The following ADAMTSL5 variants were observed in gnomAD, a reference collection of about 807,000 sequenced individuals.
ADAMTSL5 encodes ADAMTS-like protein 5.
Under a neutral mutation model 51.7 loss-of-function variants are expected in ADAMTSL5, and 53 were observed. The observed-to-expected ratio is 1.03, with a 90% CI of 0.82 to 1.29. ADAMTSL5 has a LOEUF of 1.29. Ranked by LOEUF, ADAMTSL5 falls within the 50% of genes most tolerant of loss-of-function variation. The probability of loss-of-function intolerance (pLI) is 0.00; values close to 1 mark genes in which losing one functional copy is unlikely to be tolerated. For missense variants in ADAMTSL5, 770 were observed against 676.2 expected (o/e 1.14, Z -1.54); for synonymous variants, 285 against 278.7 (o/e 1.02, Z -0.23).
rs535231144 is a variant in ADAMTSL5 at position 1,511,631 on chromosome 19, G to C, written c.-217-471C>G. On this transcript the variant is annotated intron_variant, in intron 1 of 11. Transcript: ENST00000330475. Reference sequence around the variant, plus strand: ...CCACCATCACTGCTTCTACCTTTCCGTGTGGCCTGAGGCCAGCCACTCCAC... The same window carrying C: ...CCACCATCACTGCTTCTACCTTTCCCTGTGGCCTGAGGCCAGCCACTCCAC... The C allele has an allele frequency of 3.2e-6, 4 of 1,238,930 alleles. No individual in the cohort carries two copies. The Admixed American group carries it at 7.1e-5, about 22-fold the overall frequency. The allele number at this position is 1,238,930 out of a possible 1,614,324, so 76.7% of individuals were successfully genotyped here.
rs982619087 is a variant in ADAMTSL5 at position 1,510,585 on chromosome 19, C to T, written c.191+54G>A. The stretch of plus-strand genomic sequence containing the variant: ...GCAGGCCGAGGGTGCGGCCAGGGGC[C>T]GGGCTGGGCCGGCGGGGGAGGAGGG... On this transcript the variant is annotated intron_variant, in intron 3 of 11. Transcript: ENST00000330475. 28 of 1,477,484 alleles carry T rather than the reference C, an allele frequency of 1.9e-5. No individual in the cohort carries two copies. In the East Asian group the frequency reaches 3.0e-4, roughly 16 times the overall value. 91.5% of individuals were successfully genotyped at this position (1,477,484 alleles called of 1,614,324 possible). A position where few individuals can be genotyped will look rare whatever the true frequency, so the allele number is the denominator to read the frequency against.
At position 1,510,440 on chromosome 19, in the gene ADAMTSL5, C is replaced by CAAA; in HGVS notation, c.192-13_192-12insTTT. ...CTTCCCCAGGAAGCCTGAAGGGAGA[C>CAAA]AGAGTGTGGCGAGAACCCCCAGGGA... On this transcript the variant is annotated splice_polypyrimidine_tract_variant and intron_variant, in intron 3 of 11. Coordinates refer to ENST00000330475, the MANE Select transcript of ADAMTSL5 (RefSeq NM_213604.3). The CAAA allele has an allele frequency of 6.2e-7, 1 of 1,605,748 alleles. No homozygotes were observed. Among genetic ancestry groups the CAAA allele is most frequent in the African/African-American group, 1.3e-5 (1 of 74,916 alleles).
rs947420946 is a variant in ADAMTSL5, at chr19:1,505,870, G to A, written c.*145C>T. ...GACTGCATGCAGAGGTGTCTTAAGC[G>A]TGTGTGGGAGGGAGTCACATAGCTG... On this transcript the variant is annotated 3_prime_UTR_variant, in exon 12 of 12. Coordinates refer to ENST00000330475, the MANE Select transcript of ADAMTSL5 (RefSeq NM_213604.3). The A allele has an allele frequency of 2.1e-5, 22 of 1,060,914 alleles. No individual in the cohort carries two copies. In the East Asian group the frequency reaches 2.2e-4, roughly 11 times the overall value. The allele number at this position is 1,060,914 out of a possible 1,614,324, so 65.7% of individuals were successfully genotyped here.
chr19:1,508,150 A>G (rs1913057995), intron 6 of ADAMTSL5, 41 bp from the exon 7 acceptor site: 1 of 1,558,316 alleles, frequency 6.4e-7, no homozygotes, highest in South Asian at 1.1e-5. Flanking sequence ...TGACGCTGGG[A>G]GGGGCAGGAC....
chr19:1,505,703 G>A lies in ADAMTSL5; in HGVS notation c.*312C>T, dbSNP rs978461356. 2.6e-5 allele frequency: 8 copies of A among 309,196 alleles called. No individual in the cohort carries two copies. Among genetic ancestry groups the A allele is most frequent in the South Asian group, 7.2e-5 (1 of 13,964 alleles). 19.2% of individuals were successfully genotyped at this position (309,196 alleles called of 1,614,324 possible). On this transcript the variant is annotated 3_prime_UTR_variant, in exon 12 of 12. Transcript: ENST00000330475. ...GTGTCTCCAAGCAAGTGTGACGCGC[G>A]CAAAGAGAAAGAAAGCAGCGTTAAA... is the stretch of plus-strand genomic sequence containing the variant.
rs753484239 is a variant in ADAMTSL5 at position 1,506,944 on chromosome 19, G to A, written c.853-16C>T. On this transcript the variant is annotated splice_polypyrimidine_tract_variant and intron_variant, in intron 9 of 11. Coordinates refer to ENST00000330475, the MANE Select transcript of ADAMTSL5 (RefSeq NM_213604.3). This position sits in a 1 kb window ranked among gnomAD's most constrained non-coding sequence, Gnocchi z 5.6. ...GCAGGAGGACCTGGAGCAGGGGAGG[G>A]GACACAGGGAGCTTCACAGGAGGCT... The A allele has an allele frequency of 3.9e-6, 6 of 1,538,400 alleles. No homozygotes were observed. The highest frequency in any genetic ancestry group is 5.2e-6 in the Non-Finnish European group (6 of 1,143,548).
chr19:1,507,461 G>A (rs1913004278), intron 8 of ADAMTSL5, 56 bp from the exon 9 acceptor site: 1 of 1,606,706 alleles, frequency 6.2e-7, no homozygotes, highest in Non-Finnish European at 8.5e-7. Context: ...CAGACCCTGG[G>A]GTCCCCTCCT....
rs767524603 is a variant in ADAMTSL5 at position 1,506,055 on chromosome 19, T to C, written c.1376A>G (p.Asp459Gly). ...CCGGGCAGTCAGGCGTATGCGGCTG[T>C]CCTCCGCAGGGCTCCAGGGCCGGGC... ...GYARPWSPAEDSRIRLTARRC... is the reference protein window; with the variant it reads ...GYARPWSPAEGSRIRLTARRC... Residue 459 changes from aspartate (D) to glycine (G), a missense_variant, in exon 12 of 12, where the codon GAC (aspartate) becomes GGC (glycine). Coordinates refer to ENST00000330475, the MANE Select transcript of ADAMTSL5 (RefSeq NM_213604.3). The surrounding 1 kb of genome is among the most constrained non-coding windows in gnomAD (Gnocchi z 5.6). The C allele has an allele frequency of 6.3e-7, 1 of 1,591,180 alleles. No homozygotes were observed. Among genetic ancestry groups the C allele is most frequent in the East Asian group, 2.3e-5 (1 of 44,354 alleles).
rs1310657455 is a variant in ADAMTSL5 at position 1,506,662 on chromosome 19, C to T, written c.1043-1G>A. On this transcript the variant is annotated splice_acceptor_variant, in intron 10 of 11. Coordinates refer to ENST00000330475, the MANE Select transcript of ADAMTSL5 (RefSeq NM_213604.3). LOFTEE classifies it high-confidence loss of function. This position sits in a 1 kb window ranked among gnomAD's most constrained non-coding sequence, Gnocchi z 5.6. ...GTGTCAGGGCAGGGTGGGCAGGGGTCTGTGGGATGGGCGGTGCTGTGAGGG... is the reference window on the plus strand; with the variant it reads ...GTGTCAGGGCAGGGTGGGCAGGGGTTTGTGGGATGGGCGGTGCTGTGAGGG... 6.2e-7 allele frequency: 1 copy of T among 1,604,418 alleles called. No individual in the cohort carries two copies. The highest frequency in any genetic ancestry group is 1.7e-5 in the Admixed American group (1 of 58,368).
At chr19:1,511,518 G>A in intron 1 of ADAMTSL5, 1 of 1,188,346 alleles carries the variant, frequency 8.4e-7, no homozygotes, top group Non-Finnish European at 1.1e-6. Context: ...CAGACAGTAG[G>A]TGCTTAATCG....
intron 1 of ADAMTSL5, among the ~76,000 whole-genome samples, chr19:1,511,933 G>A (rs567567056): frequency 6.6e-6 from 1 of 152,236 alleles, no homozygotes; most frequent in Non-Finnish European, 1.5e-5. Context: ...ACTGAGCTCC[G>A]GGGCAGCCCG....
rs371763925 is a variant in ADAMTSL5, at chr19:1,508,129, C to T, written c.490-20G>A. On this transcript the variant is annotated intron_variant, in intron 6 of 11. Transcript: ENST00000330475. Reference sequence around the variant, plus strand: ...GGCGCTCTAAAGGGTGAAGGACAGGCGCGGCGTCACTGACGCTGGGAGGGG... The same window carrying T: ...GGCGCTCTAAAGGGTGAAGGACAGGTGCGGCGTCACTGACGCTGGGAGGGG... 8 of 1,592,266 alleles carry T rather than the reference C, an allele frequency of 5.0e-6. No homozygotes were observed. In the African/African-American group the frequency reaches 6.7e-5, roughly 13 times the overall value.
Position 1,510,172 on chromosome 19 carries a change from G to A in ADAMTSL5, c.339C>T (p.Tyr113=). 1 of 1,612,534 alleles carries A rather than the reference G, an allele frequency of 6.2e-7. No individual in the cohort carries two copies. Among genetic ancestry groups the A allele is most frequent in the Non-Finnish European group, 8.5e-7 (1 of 1,179,708 alleles). Reference sequence around the variant, plus strand: ...CACCCCCATGGAAGGGCACCCACTGGTAGGTCTTCTGGGTGCCCAGGACAG... The same window carrying A: ...CACCCCCATGGAAGGGCACCCACTGATAGGTCTTCTGGGTGCCCAGGACAG... ...GRPVLGTQKT[Y]QWVPFHGAPN... The change falls in exon 5 of 12, where the codon TAC becomes TAT. Residue 113 remains tyrosine (Y), a synonymous_variant. Transcript: ENST00000330475.
chr19:1,508,436 T>G lies in ADAMTSL5; in HGVS notation c.489+7A>C, dbSNP rs1273179037. 1.3e-6 allele frequency: 2 copies of G among 1,539,810 alleles called. No homozygotes were observed. Among genetic ancestry groups the G allele is most frequent in the African/African-American group, 1.4e-5 (1 of 73,018 alleles). On this transcript the variant is annotated splice_region_variant and intron_variant, in intron 6 of 11. Coordinates refer to ENST00000330475, the MANE Select transcript of ADAMTSL5 (RefSeq NM_213604.3). ...CGGGGCTCGGGCGGGGCCTGACGAG[T>G]CCTTACAAGGCAGCGGCCAGCCACG...
At chr19:1,507,696 G>T (rs969109234) in intron 7 of ADAMTSL5, 53 bp from the exon 8 acceptor site, 41 of 1,545,308 alleles carry the variant, frequency 2.7e-5, no homozygotes, top group Non-Finnish European at 3.6e-5. Context: ...GTATTTGAGC[G>T]ATGACTTGAG....
At position 1,508,422 on chromosome 19, in the gene ADAMTSL5, CGG is replaced by C; in HGVS notation, c.489+19_489+20del. ...GAGTGGGAGGTGGGCGGGGCTCGGG[CGG>C]GGCCTGACGAGTCCTTACAAGGCAG... On this transcript the variant is annotated intron_variant, in intron 6 of 11. Transcript: ENST00000330475. 1.5e-6 allele frequency: 2 copies of C among 1,358,894 alleles called. No individual in the cohort carries two copies. The highest frequency in any genetic ancestry group is 1.9e-6 in the Non-Finnish European group (2 of 1,036,136). 84.2% of individuals were successfully genotyped at this position (1,358,894 alleles called of 1,614,324 possible).
rs987168460 is a variant in ADAMTSL5 at position 1,510,885 on chromosome 19, A to G, written c.59T>C (p.Leu20Pro). ...CAAACCACAGTTCAGCAGGGCCCAC[A>G]GGAAGAGCAGGAGGTTCTGGAAGAG... ...PHLFQNLLLF[L>P]WALLNCGLGV... is the part of the protein sequence containing the mutation. The change falls in exon 2 of 12, where the codon CTG (leucine) becomes CCG (proline). Residue 20 changes from leucine (L) to proline (P), a missense_variant. Leu to Pro is a moderately conservative substitution (Grantham distance 98, BLOSUM62 -3). Coordinates refer to ENST00000330475, the MANE Select transcript of ADAMTSL5 (RefSeq NM_213604.3). The G allele has an allele frequency of 1.3e-6, 2 of 1,528,836 alleles. No individual in the cohort carries two copies. Among genetic ancestry groups the G allele is most frequent in the African/African-American group, 1.4e-5 (1 of 69,418 alleles). The allele number at this position is 1,528,836 out of a possible 1,614,324, so 94.7% of individuals were successfully genotyped here. A position where few individuals can be genotyped will look rare whatever the true frequency, so the allele number is the denominator to read the frequency against.
Position 1,508,532 on chromosome 19 carries a change from G to T in ADAMTSL5, c.400C>A (p.His134Asn). 6.3e-7 allele frequency: 1 copy of T among 1,582,346 alleles called. No homozygotes were observed. Among genetic ancestry groups the T allele is most frequent in the Non-Finnish European group, 8.5e-7 (1 of 1,171,696 alleles). ...CGGCCGAAGCTGTGGTAGAAGGCGTGCCCCTCAGCCAGGCAGTTGAGGTCG... is the reference window on the plus strand; with the variant it reads ...CGGCCGAAGCTGTGGTAGAAGGCGTTCCCCTCAGCCAGGCAGTTGAGGTCG... The part of the protein sequence containing the change: ...QCDLNCLAEG[H>N]AFYHSFGRVL... Residue 134 changes from histidine (H) to asparagine (N), a missense_variant, in exon 6 of 12, where the codon CAC becomes AAC. By Grantham distance (68) the His-to-Asn change is moderately conservative (BLOSUM62 1). Transcript: ENST00000330475.
intron 6 of ADAMTSL5, 148 bp downstream of exon 6, chr19:1,508,295 G>T: frequency 5.6e-6 from 7 of 1,257,036 alleles, no homozygotes; most frequent in Non-Finnish European, 7.5e-6. Flanking sequence ...AGGGGGGCTG[G>T]GGGCAGGGCC....
Sources: allele counts gnomAD v4.1 joint callset (sites outside exome capture counted in the v4.1 genomes callset), GRCh38; gene constraint gnomAD v4.1.1; non-coding constraint Gnocchi (gnomAD v3.1); transcripts MANE v1.5; gene names NCBI Gene and HGNC (gene_info 2026-07-23, HGNC 2026-07-21).